Variants in NFE2L2 observed in about 807,000 individuals in gnomAD.
The protein encoded by NFE2L2 is NFE2 like bZIP transcription factor 2.
A neutral mutation model predicts 49.6 loss-of-function variants in NFE2L2; 20 were observed. The observed-to-expected ratio is 0.40, with a 90% CI of 0.28 to 0.59. The LOEUF (loss-of-function observed/expected upper bound fraction) is 0.59. Ranked by LOEUF, NFE2L2 falls within the 20% of genes least tolerant of loss-of-function variation. The pLI, the probability that NFE2L2 is intolerant of heterozygous loss-of-function variation, is 0.40. For missense variants in NFE2L2, 578 were observed against 714.2 expected, an observed-to-expected ratio of 0.81 and a Z score of 2.17; for synonymous variants, 244 against 256.5, an observed-to-expected ratio of 0.95 and a Z score of 0.47.
chr2:177,250,722 C>T (rs1209896272), intron 1 of NFE2L2, among the ~76,000 whole-genome samples: 1 of 152,196 alleles, frequency 6.6e-6, no homozygotes, highest in African/African-American at 2.4e-5. Flanking sequence ...AGTTCCTATC[C>T]ACTCGAGGCT....
At chr2:177,245,844 A>G (rs914570647) in intron 1 of NFE2L2, among the ~76,000 whole-genome samples, 1 of 152,206 alleles carries the variant, frequency 6.6e-6, no homozygotes, top group African/African-American at 2.4e-5. Context: ...TCCTGACCTC[A>G]GATGATCTGC....
chr2:177,244,920 G>A (rs1226214840), intron 1 of NFE2L2, among the ~76,000 whole-genome samples: 2 of 149,360 alleles, frequency 1.3e-5, no homozygotes, highest in African/African-American at 2.5e-5. Context: ...GGAGAATGGC[G>A]TGAACCTGGG....
chr2:177,244,193 C>T (rs940128649), intron 1 of NFE2L2, among the ~76,000 whole-genome samples: 72 of 150,890 alleles, frequency 4.8e-4, no homozygotes, highest in African/African-American at 1.6e-3. Context: ...CCCAGCTACT[C>T]GGGAGGCTGA....
Position 177,264,562 on chromosome 2 carries a change from CTCCAAG to C in NFE2L2, c.9_14del (p.Asp3_Leu4del). 1 of 1,518,080 alleles carries C rather than the reference CTCCAAG, an allele frequency of 6.6e-7. No individual in the cohort carries two copies. Among genetic ancestry groups the C allele is most frequent in the Non-Finnish European group, 8.8e-7 (1 of 1,132,014 alleles). 94.0% of individuals were successfully genotyped at this position (1,518,080 alleles called of 1,614,324 possible). A position where few individuals can be genotyped will look rare whatever the true frequency, so the allele number is the denominator to read the frequency against. On this transcript the variant is annotated inframe_deletion, in exon 1 of 5. Coordinates refer to ENST00000397062, the MANE Select transcript of NFE2L2 (RefSeq NM_006164.5). ...GGGACGGGAGTCCCGGCGGCGGCAG[CTCCAAG>C]TCCATCATGATGAGCTGTGGACCGT...
intron 1 of NFE2L2, among the ~76,000 whole-genome samples, chr2:177,244,489 A>T (rs1690055306): frequency 6.6e-6 from 1 of 152,102 alleles, no homozygotes; most frequent in South Asian, 2.1e-4. Context: ...TATGAGACAA[A>T]GTGATGAGAA....
At chr2:177,244,124 C>A in intron 1 of NFE2L2, among the ~76,000 whole-genome samples, 1 of 151,654 alleles carries the variant, frequency 6.6e-6, no homozygotes, top group Non-Finnish European at 1.5e-5. Flanking sequence ...CACGGTGAAA[C>A]CCCGTCTCTA....
chr2:177,251,146 G>A (rs1035799439), intron 1 of NFE2L2, among the ~76,000 whole-genome samples: 4 of 152,276 alleles, frequency 2.6e-5, no homozygotes, highest in African/African-American at 9.6e-5. Context: ...AATGTAAAAC[G>A]TTCGGCTGTC....
rs199970826 is a variant in NFE2L2 at position 177,233,268 on chromosome 2, C to T, written c.384G>A (p.Pro128=). The T allele has an allele frequency of 3.3e-5, 53 of 1,595,378 alleles. No homozygotes were observed. Among genetic ancestry groups the T allele is most frequent in the African/African-American group, 9.5e-5 (7 of 73,622 alleles). The change falls in exon 3 of 5, where the codon CCG becomes CCA. Residue 128 remains proline, a synonymous_variant. Coordinates refer to ENST00000397062, the MANE Select transcript of NFE2L2 (RefSeq NM_006164.5). ...DCMQLLAQTF[P]FVDDNEVSSA... is the part of the protein sequence containing the mutation. Reference sequence around the variant, plus strand: ...ACCTCACCTCATTGTCATCTACAAACGGGAATGTCTGCGCCAAAAGCTGCA... The same window carrying T: ...ACCTCACCTCATTGTCATCTACAAATGGGAATGTCTGCGCCAAAAGCTGCA...
At chr2:177,247,655 C>T (rs1574273344) in intron 1 of NFE2L2, among the ~76,000 whole-genome samples, 1 of 113,950 alleles carries the variant, frequency 8.8e-6, no homozygotes, top group Non-Finnish European at 1.8e-5. Flanking sequence ...CCAACCTGGG[C>T]AACAAGAGCA....
chr2:177,245,447 C>T (rs1271344585), intron 1 of NFE2L2, among the ~76,000 whole-genome samples: 1 of 152,144 alleles, frequency 6.6e-6, no homozygotes, highest in Non-Finnish European at 1.5e-5. Context: ...CACCTTAATT[C>T]TTTTTAAATT....
intron 1 of NFE2L2, among the ~76,000 whole-genome samples, chr2:177,234,971 C>T (rs950456687): frequency 1.2e-4 from 18 of 152,098 alleles, no homozygotes; most frequent in Non-Finnish European, 2.6e-4. Context: ...CAAAAATCAG[C>T]CGGGTGTGGT....
chr2:177,263,463 G>A, intron 1 of NFE2L2: 5 of 985,486 alleles, frequency 5.1e-6, no homozygotes, highest in Non-Finnish European at 4.8e-6. Flanking sequence ...ATTCTGAAAC[G>A]CTAAATCCAA....
rs779519592 is a variant in NFE2L2 at position 177,231,555 on chromosome 2, T to A, written c.1048A>T (p.Thr350Ser). 3 of 1,614,194 alleles carry A rather than the reference T, an allele frequency of 1.9e-6. No homozygotes were observed. The highest frequency in any genetic ancestry group is 2.5e-6 in the Non-Finnish European group (3 of 1,180,026). Residue 350 changes from threonine (T) to serine (S), a missense_variant, in exon 5 of 5, where the codon ACA becomes TCA. Physicochemically the swap from Thr to Ser is moderately conservative, Grantham distance 58 (BLOSUM62 1). Around this residue, in one of 3 missense-constraint regions of NFE2L2, gnomAD observed 368 missense variants for 384.6 expected, o/e 0.96. Transcript: ENST00000397062. ...NDSDSGISLNTSPSVASPEHS... is the reference protein window; with the variant it reads ...NDSDSGISLNSSPSVASPEHS... Reference sequence around the variant, plus strand: ...TCTGGTGATGCCACACTGGGACTTGTGTTTAGTGAAATGCCGGAGTCAGAA... The same window carrying A: ...TCTGGTGATGCCACACTGGGACTTGAGTTTAGTGAAATGCCGGAGTCAGAA...
At chr2:177,234,686 T>C (rs1439409874) in intron 1 of NFE2L2, among the ~76,000 whole-genome samples, 1 of 152,218 alleles carries the variant, frequency 6.6e-6, no homozygotes, top group Non-Finnish European at 1.5e-5. Flanking sequence ...TACATGGAGT[T>C]TTCTTTAAAC....
At position 177,230,350 on chromosome 2, in the gene NFE2L2, AT is replaced by A. The variant is rs3082500; in HGVS notation, c.*434del. ...TCCTTTATTAGTACCAGCTCTTAAA[AT>A]TTTTTTTTTTTGCCAGAGCTAAACA... On this transcript the variant is annotated 3_prime_UTR_variant, in exon 5 of 5. Coordinates refer to ENST00000397062, the MANE Select transcript of NFE2L2 (RefSeq NM_006164.5). The A allele has an allele frequency of 0.036, 6,788 of 190,154 alleles. 16 individuals are homozygous for A. The highest frequency in any genetic ancestry group is 0.1 in the East Asian group (1,125 of 10,878). The allele number at this position is 190,154 out of a possible 1,614,324, so 11.8% of individuals were successfully genotyped here.
At chr2:177,233,207 T>C (rs374711621) in intron 3 of NFE2L2, 43 bp downstream of exon 3, 19 of 1,437,750 alleles carry the variant, frequency 1.3e-5, no homozygotes, top group Non-Finnish European at 1.8e-5. Flanking sequence ...ATTTTATAGT[T>C]ATGATGGAGT....
At chr2:177,260,573 C>T (rs868508487) in intron 1 of NFE2L2, among the ~76,000 whole-genome samples, 1 of 152,176 alleles carries the variant, frequency 6.6e-6, no homozygotes, top group African/African-American at 2.4e-5. Flanking sequence ...GTTGAATTTG[C>T]GCCATCAGCT....
intron 3 of NFE2L2, chr2:177,232,801 G>A: frequency 1.9e-6 from 1 of 538,692 alleles, no homozygotes; most frequent in Non-Finnish European, 3.3e-6. Context: ...GCATTTGAAA[G>A]TAAACTTTAA....
chr2:177,235,471 C>A (rs1204654743), intron 1 of NFE2L2, among the ~76,000 whole-genome samples: 1 of 151,766 alleles, frequency 6.6e-6, no homozygotes, highest in Non-Finnish European at 1.5e-5. Flanking sequence ...AACTATGGCT[C>A]CAGGGAAGGA....
Sources: allele counts gnomAD v4.1 joint callset (sites outside exome capture counted in the v4.1 genomes callset), GRCh38; gene constraint gnomAD v4.1.1; regional missense constraint gnomAD v4.1.1; transcripts MANE v1.5; gene names NCBI Gene and HGNC (gene_info 2026-07-23, HGNC 2026-07-21).